AATK: variants seen among roughly 807,000 people sequenced by gnomAD.
The protein encoded by AATK is lemur tail kinase 1.
AATK carries 91 observed loss-of-function variants against 114.3 expected under a neutral mutation model. The observed-to-expected ratio is 0.80, with a 90% CI of 0.67 to 0.95. AATK has a LOEUF of 0.95. AATK is among the 40% of genes least tolerant of loss of function. The pLI, the probability that AATK is intolerant of heterozygous loss-of-function variation, is 0.00. For synonymous variants in AATK, 1,075 were observed against 916.5 expected (o/e 1.17, Z -3.12); for missense variants, 2,176 against 1,965.2 (o/e 1.11, Z -2.03).
Position 81,118,343 on chromosome 17 carries a change from C to T in AATK, c.*59G>A. 2.0e-6 allele frequency: 3 copies of T among 1,537,516 alleles called. No individual in the cohort carries two copies. The highest frequency in any genetic ancestry group is 2.6e-6 in the Non-Finnish European group (3 of 1,135,858). On this transcript the variant is annotated 3_prime_UTR_variant, in exon 14 of 14. Transcript: ENST00000326724. ...CCCACCTTCTCGGTCACCATCCTCGCTGCTGCCTGGCAGGGGCTCCGGTGA... is the reference window on the plus strand; with the variant it reads ...CCCACCTTCTCGGTCACCATCCTCGTTGCTGCCTGGCAGGGGCTCCGGTGA...
At chr17:81,118,950 G>A (rs1003954656) in intron 13 of AATK, among the ~76,000 whole-genome samples, 2 of 152,240 alleles carry the variant, frequency 1.3e-5, no homozygotes, top group African/African-American at 4.8e-5. Flanking sequence ...GGCGGATAGT[G>A]GAGGGCCATG....
chr17:81,127,958 C>T (rs1432618697), intron 4 of AATK, 48 bp from the exon 5 acceptor site: 4 of 1,544,374 alleles, frequency 2.6e-6, no homozygotes, highest in Non-Finnish European at 3.5e-6. Context: ...TCCACCGGCC[C>T]CGGCTTCCAG....
intron 7 of AATK, chr17:81,125,305 G>A: frequency 1.4e-6 from 1 of 738,512 alleles, no homozygotes; most frequent in Non-Finnish European, 2.6e-6. Flanking sequence ...GAGAGGGTGA[G>A]AACCTGCCGG....
Position 81,127,787 on chromosome 17 carries a change from C to T in AATK, c.533+5G>A. On this transcript the variant is annotated splice_donor_5th_base_variant and intron_variant, in intron 5 of 13. Coordinates refer to ENST00000326724, the MANE Select transcript of AATK (RefSeq NM_001080395.3). ...CACAGGCCTTTGTGCCCGGTGGCCT[C>T]CCACCTGTAGGGCTGCACCTCCTCC... is the stretch of plus-strand genomic sequence containing the variant. 1 of 1,514,458 alleles carries T rather than the reference C, an allele frequency of 6.6e-7. No individual in the cohort carries two copies. Among genetic ancestry groups the T allele is most frequent in the Non-Finnish European group, 9.0e-7 (1 of 1,115,778 alleles). 93.8% of individuals were successfully genotyped at this position (1,514,458 alleles called of 1,614,324 possible). A position where few individuals can be genotyped will look rare whatever the true frequency, so the allele number is the denominator to read the frequency against.
Position 81,122,075 on chromosome 17 carries a change from C to T in AATK, c.1861G>A (p.Glu621Lys), listed in dbSNP as rs2060706790. ...CAGTCTGCATCCTCCGCTCCTCCCT[C>T]CGCCAGACTCAGGGGCCCCGCCGAG... is the stretch of plus-strand genomic sequence containing the variant. ...SPSAGPLSLA[E>K]GGAEDADWGV... Residue 621 changes from glutamate to lysine, a missense_variant, in exon 11 of 14, where the codon GAG (glutamate) becomes AAG (lysine). Transcript: ENST00000326724. The T allele has an allele frequency of 1.3e-6, 2 of 1,586,524 alleles. No homozygotes were observed. The highest frequency in any genetic ancestry group is 1.7e-5 in the Admixed American group (1 of 58,580).
intron 1 of AATK, among the ~76,000 whole-genome samples, chr17:81,148,965 G>C (rs1378684143): frequency 6.6e-6 from 1 of 152,182 alleles, no homozygotes; most frequent in Admixed American, 6.5e-5. Flanking sequence ...AGGTGAGGGA[G>C]ACACGGAGAC....
chr17:81,135,572 G>A (rs1010145553), intron 1 of AATK, among the ~76,000 whole-genome samples: 30 of 152,146 alleles, frequency 2.0e-4, no homozygotes, highest in African/African-American at 6.5e-4. Flanking sequence ...CAAAGGTGTT[G>A]TCATCTCTAC....
At chr17:81,137,859 C>T (rs1407792379) in intron 1 of AATK, among the ~76,000 whole-genome samples, 5 of 151,956 alleles carry the variant, frequency 3.3e-5, no homozygotes, top group African/African-American at 9.7e-5. Flanking sequence ...ATATATCACA[C>T]GTGTGCACAC....
chr17:81,155,496 C>T (rs2146403521), intron 1 of AATK, among the ~76,000 whole-genome samples: 1 of 152,140 alleles, frequency 6.6e-6, no homozygotes, highest in East Asian at 1.9e-4. Flanking sequence ...AAGTGATTCT[C>T]CTGCCTCAGC....
At chr17:81,138,134 CAT>C (rs1262207265) in intron 1 of AATK, among the ~76,000 whole-genome samples, 2 of 151,086 alleles carry the variant, frequency 1.3e-5, no homozygotes, top group East Asian at 3.9e-4. Flanking sequence ...CCCACACACA[CAT>C]GCACACATAC....
At position 81,124,846 on chromosome 17, in the gene AATK, C is replaced by T. The variant is rs748251444; in HGVS notation, c.843G>A (p.Glu281=). 10 of 1,608,112 alleles carry T rather than the reference C, an allele frequency of 6.2e-6. No individual in the cohort carries two copies. ...GCTGGTCGGCAGTCACGAAGTAGTC[C>T]TCCTGTTGGCACAGGGACGGGTCAC... ...DYGLAHCKYR[E]DYFVTADQLW... Residue 281 remains glutamate, a splice_region_variant and synonymous_variant, in exon 9 of 14, where the codon GAG becomes GAA. Coordinates refer to ENST00000326724, the MANE Select transcript of AATK (RefSeq NM_001080395.3).
chr17:81,118,518 C>T, intron 13 of AATK, 76 bp from the exon 14 acceptor site: 5 of 1,506,314 alleles, frequency 3.3e-6, no homozygotes, highest in South Asian at 2.4e-5. Context: ...CCCACCTGGC[C>T]TCCATCCCTG....
chr17:81,138,669 A>G, intron 1 of AATK, among the ~76,000 whole-genome samples: 1 of 150,946 alleles, frequency 6.6e-6, no homozygotes, highest in South Asian at 2.1e-4. Context: ...ACATATCCAT[A>G]CATGCACACC....
Position 81,122,278 on chromosome 17 carries a change from C to T in AATK, c.1658G>A (p.Ser553Asn). The T allele has an allele frequency of 1.8e-5, 27 of 1,498,542 alleles. No homozygotes were observed. The highest frequency in any genetic ancestry group is 2.4e-5 in the Non-Finnish European group (27 of 1,130,640). 92.8% of individuals were successfully genotyped at this position (1,498,542 alleles called of 1,614,324 possible). ...GTCCTGGTCCGCGGTGGCAGGTGGA[C>T]TGGGGGCGCAGCCGGCGCAGTCAGG... is the stretch of plus-strand genomic sequence containing the variant. ...HDPDCAGCAP[S>N]PPATADQDDD... The change falls in exon 11 of 14, where the codon AGT (serine) becomes AAT (asparagine). Residue 553 changes from serine to asparagine, a missense_variant. Physicochemically the swap from Ser to Asn is conservative, Grantham distance 46. Transcript: ENST00000326724.
chr17:81,138,755 G>A (rs777171355), intron 1 of AATK, among the ~76,000 whole-genome samples: 32 of 140,504 alleles, frequency 2.3e-4, no homozygotes, highest in Admixed American at 4.3e-4. Context: ...ACCAACACGC[G>A]CATGCACACC....
intron 10 of AATK, 141 bp from the exon 11 acceptor site, chr17:81,122,964 T>C: frequency 1.0e-6 from 1 of 987,074 alleles, no homozygotes; most frequent in South Asian, 2.0e-5. Context: ...ACCCCAAATC[T>C]GCCAAGGCAA....
chr17:81,123,373 G>T (rs972016042), intron 9 of AATK, 30 bp from the exon 10 acceptor site: 1 of 1,338,944 alleles, frequency 7.5e-7, no homozygotes, highest in Non-Finnish European at 9.6e-7. Flanking sequence ...AGCCAGGGCT[G>T]GGCACAGCCT....
In AATK at chr17:81,121,736, C is replaced by G. The variant is rs765655662; in HGVS notation, c.2200G>C (p.Ala734Pro). 6.7e-7 allele frequency: 1 copy of G among 1,498,978 alleles called. No individual in the cohort carries two copies. Among genetic ancestry groups the G allele is most frequent in the East Asian group, 2.4e-5 (1 of 41,476 alleles). The allele number at this position is 1,498,978 out of a possible 1,614,324, so 92.9% of individuals were successfully genotyped here. A position where few individuals can be genotyped will look rare whatever the true frequency, so the allele number is the denominator to read the frequency against. The change falls in exon 11 of 14, where the codon GCC (alanine) becomes CCC (proline). Residue 734 changes from alanine (A) to proline (P), a missense_variant. This residue lies in a region of AATK where 1,701 missense variants were observed against 1,394.7 expected (regional missense o/e 1.22). Coordinates refer to ENST00000326724, the MANE Select transcript of AATK (RefSeq NM_001080395.3). ...CAGCAGCCTGGCTCCTGGGCAGAGG[C>G]TGCCTGGAGCCCAAGCAGAGGCTCT... ...PGEPLLGLQA[A>P]SAQEPGCCPG...
chr17:81,145,711 CA>C (rs2061208005), intron 1 of AATK, among the ~76,000 whole-genome samples: 1 of 109,434 alleles, frequency 9.1e-6, no homozygotes, highest in African/African-American at 3.7e-5. Flanking sequence ...CCAGCCTTGG[CA>C]ACGAGAGCAA....
Sources: gnomAD v4.1 joint callset for allele counts (sites outside exome capture counted in the v4.1 genomes callset) on GRCh38, gnomAD v4.1.1 for gene constraint, gnomAD v4.1.1 regional missense constraint, MANE v1.5 for transcripts, NCBI Gene and HGNC (gene_info 2026-07-23, HGNC 2026-07-21) for gene names.